The following SGK1 variants were observed in gnomAD, a reference collection of about 807,000 sequenced individuals.
The protein encoded by SGK1 is serine/threonine-protein kinase Sgk1.
In SGK1, 26 loss-of-function variants were observed where a neutral mutation model predicts 64.2. The observed-to-expected ratio is 0.40, with a 90% CI of 0.30 to 0.56. The LOEUF (loss-of-function observed/expected upper bound fraction) is 0.56, where lower values mean the gene tolerates loss of function less well. Ranked by LOEUF, SGK1 falls within the 20% of genes least tolerant of loss-of-function variation. The pLI is 0.38. For missense variants in SGK1, 519 were observed against 645.6 expected (o/e 0.80, Z 2.12); for synonymous variants, 265 against 239.7 (o/e 1.11, Z -0.98).
intron 1 of SGK1, among the ~76,000 whole-genome samples, chr6:134,315,695 A>C (rs990058698): frequency 2.0e-5 from 3 of 152,246 alleles, no homozygotes; most frequent in Non-Finnish European, 2.9e-5. Flanking sequence ...GAGTTTAAAT[A>C]CTGGATAATG....
At chr6:134,227,458 T>C (rs148614823) in intron 2 of SGK1, among the ~76,000 whole-genome samples, 1 of 152,284 alleles carries the variant, frequency 6.6e-6, no homozygotes, top group African/African-American at 2.4e-5. Flanking sequence ...TTTTCTAAAC[T>C]ATCTGGAGCT....
At chr6:134,232,671 C>T (rs1459333455) in intron 2 of SGK1, among the ~76,000 whole-genome samples, 4 of 151,798 alleles carry the variant, frequency 2.6e-5, no homozygotes, top group South Asian at 4.2e-4. Context: ...GCCAACATGG[C>T]GAAAACTCGT....
intron 2 of SGK1, among the ~76,000 whole-genome samples, chr6:134,249,728 G>T (rs577801377): frequency 1.9e-4 from 29 of 152,300 alleles, no homozygotes; most frequent in Admixed American, 1.2e-3. Context: ...TTTGCTGTGT[G>T]CTGGGAGAGG....
At chr6:134,205,709 C>A (rs868339959) in intron 3 of SGK1, among the ~76,000 whole-genome samples, 1 of 152,182 alleles carries the variant, frequency 6.6e-6, no homozygotes, top group South Asian at 2.1e-4. Flanking sequence ...AGAGGCATAA[C>A]AAGGAAAGGG....
chr6:134,242,698 C>T (rs1776467919), intron 2 of SGK1, among the ~76,000 whole-genome samples: 1 of 151,748 alleles, frequency 6.6e-6, no homozygotes, highest in African/African-American at 2.4e-5. Flanking sequence ...CTCCTGGCCT[C>T]AAACAATCCT....
chr6:134,215,845 C>T (rs891752071), intron 2 of SGK1, among the ~76,000 whole-genome samples: 2 of 152,014 alleles, frequency 1.3e-5, no homozygotes, highest in Non-Finnish European at 2.9e-5. Context: ...GGAGAAACTA[C>T]GTCTCTACTA....
chr6:134,249,133 C>T (rs1434200524), intron 2 of SGK1, among the ~76,000 whole-genome samples: 7 of 152,122 alleles, frequency 4.6e-5, no homozygotes, highest in Non-Finnish European at 1.0e-4. Flanking sequence ...CATATTTATC[C>T]TTAACAAGGT....
intron 3 of SGK1, among the ~76,000 whole-genome samples, chr6:134,206,072 C>T (rs781584018): frequency 2.0e-5 from 3 of 151,962 alleles, no homozygotes; most frequent in African/African-American, 4.8e-5. Flanking sequence ...GCATATTCTC[C>T]GATCTCATAA....
At position 134,241,745 on chromosome 6, in the gene SGK1, C is replaced by T. The variant is rs112180014; in HGVS notation, c.285+20188G>A. Among the ~76,000 whole-genome samples, 16 of 152,156 alleles carry T rather than the reference C, an allele frequency of 1.1e-4. No individual in the cohort carries two copies. In the South Asian group the frequency reaches 1.9e-3, roughly 18 times the overall value. On this transcript the variant is annotated intron_variant, in intron 2 of 13. Transcript: ENST00000367858. ...AGGCCATTCTCCTGCCTCAGCCTCCCGAGTAGCTGGGACTACAGGCGCCCG... is the reference window on the plus strand; with the variant it reads ...AGGCCATTCTCCTGCCTCAGCCTCCTGAGTAGCTGGGACTACAGGCGCCCG...
At chr6:134,240,687 C>A (rs1776431318) in intron 2 of SGK1, among the ~76,000 whole-genome samples, 1 of 152,138 alleles carries the variant, frequency 6.6e-6, no homozygotes, top group African/African-American at 2.4e-5. Context: ...TGTCATTATT[C>A]CTAGTACTGT....
chr6:134,290,324 TA>T (rs746492506), intron 1 of SGK1, among the ~76,000 whole-genome samples: 8 of 120,144 alleles, frequency 6.7e-5, no homozygotes, highest in South Asian at 2.6e-4. Flanking sequence ...ACCCTGCCTC[TA>T]AAAAAAAAAG....
At chr6:134,191,730 G>C (rs540920635) in intron 3 of SGK1, among the ~76,000 whole-genome samples, 78 of 150,884 alleles carry the variant, frequency 5.2e-4, no homozygotes, top group Non-Finnish European at 9.6e-4. Flanking sequence ...GTGCAGTGGC[G>C]TGATCTCGGC....
At chr6:134,266,707 CATGTTAGTAGGT>C (rs1447927512) in intron 1 of SGK1, among the ~76,000 whole-genome samples, 1 of 152,088 alleles carries the variant, frequency 6.6e-6, no homozygotes, top group African/African-American at 2.4e-5. Context: ...GCCCCTTAAG[CATGTTAGTAGGT>C]ATATTAAGAA....
chr6:134,298,799 A>G, intron 1 of SGK1: 1 of 292,528 alleles, frequency 3.4e-6, no homozygotes, highest in Non-Finnish European at 6.1e-6. Context: ...TTATTTATTT[A>G]TTTATTTATT....
chr6:134,235,660 C>T (rs1338718105), intron 2 of SGK1, among the ~76,000 whole-genome samples: 1 of 151,854 alleles, frequency 6.6e-6, no homozygotes, highest in Non-Finnish European at 1.5e-5. Context: ...CAACCTCCAC[C>T]TCCAGGGTTC....
chr6:134,236,112 C>T (rs113491359), intron 2 of SGK1, among the ~76,000 whole-genome samples: 2,557 of 151,982 alleles, frequency 0.017, 37 homozygotes, highest in Non-Finnish European at 0.026. Context: ...TTTTAATGTA[C>T]AGTAAAGGGA....
At chr6:134,294,814 T>C (rs1473081783) in intron 1 of SGK1, among the ~76,000 whole-genome samples, 2 of 152,164 alleles carry the variant, frequency 1.3e-5, no homozygotes, top group Admixed American at 6.5e-5. Context: ...AGGCGTGAGC[T>C]ACCACGCCCA....
At chr6:134,229,737 C>T (rs774350398) in intron 2 of SGK1, among the ~76,000 whole-genome samples, 1 of 152,078 alleles carries the variant, frequency 6.6e-6, no homozygotes, top group Non-Finnish European at 1.5e-5. Flanking sequence ...GCGGTGAGTT[C>T]CTCTTTGTTT....
At chr6:134,243,969 ATTTAT>A (rs1454082724) in intron 2 of SGK1, among the ~76,000 whole-genome samples, 2 of 151,986 alleles carry the variant, frequency 1.3e-5, no homozygotes, top group South Asian at 2.1e-4. Flanking sequence ...ATATTCATTT[ATTTAT>A]TTTATTTATT....
Sources: allele counts gnomAD v4.1 joint callset (sites outside exome capture counted in the v4.1 genomes callset), GRCh38; gene constraint gnomAD v4.1.1; transcripts MANE v1.5; gene names NCBI Gene and HGNC (gene_info 2026-07-23, HGNC 2026-07-21).